The following ASS1 variants were observed in gnomAD, a reference collection of about 807,000 sequenced individuals.
ASS1 encodes the protein argininosuccinate synthase 1.
A neutral mutation model predicts 60.5 loss-of-function variants in ASS1; 58 were observed. That is an observed-to-expected ratio of 0.96 (90% CI 0.78 to 1.19). The LOEUF (loss-of-function observed/expected upper bound fraction) is 1.19, where lower values mean the gene tolerates loss of function less well. Ranked by LOEUF, ASS1 falls within the 50% of genes most tolerant of loss-of-function variation. The probability of loss-of-function intolerance (pLI) is 0.00; values close to 1 mark genes in which losing one functional copy is unlikely to be tolerated. For missense variants in ASS1, 454 were observed against 547.3 expected (o/e 0.83, Z 1.70); for synonymous variants, 200 against 206.9 (o/e 0.97, Z 0.29).
At chr9:130,498,210 C>A (rs1846651673) in intron 13 of ASS1, among the ~76,000 whole-genome samples, 1 of 152,178 alleles carries the variant, frequency 6.6e-6, no homozygotes. Flanking sequence ...GAGGGCCAGC[C>A]TCAGGGTCTC....
In ASS1 at chr9:130,499,551, A is replaced by G; in HGVS notation, c.1174A>G (p.Ile392Val). The G allele has an allele frequency of 6.2e-7, 1 of 1,613,732 alleles. No homozygotes were observed. Among genetic ancestry groups the G allele is most frequent in the African/African-American group, 1.3e-5 (1 of 75,058 alleles). ...DYEPTDATGF[I>V]NINSLRLKEY... ...TGAGCCAACTGATGCCACCGGGTTCATCAACATCAATTCCCTCAGGTGAGA... is the reference window on the plus strand; with the variant it reads ...TGAGCCAACTGATGCCACCGGGTTCGTCAACATCAATTCCCTCAGGTGAGA... The change falls in exon 14 of 15, where the codon ATC becomes GTC. Residue 392 changes from isoleucine to valine, a missense_variant. Transcript: ENST00000352480.
At chr9:130,484,636 C>T (rs1277061087) in intron 11 of ASS1, among the ~76,000 whole-genome samples, 1 of 152,086 alleles carries the variant, frequency 6.6e-6, no homozygotes, top group Non-Finnish European at 1.5e-5. Flanking sequence ...CTGTCATTTC[C>T]TCCTTCTCTC....
intron 4 of ASS1, among the ~76,000 whole-genome samples, chr9:130,460,473 T>C (rs960068175): frequency 4.6e-5 from 7 of 151,998 alleles, no homozygotes; most frequent in African/African-American, 7.3e-5. Context: ...TGATGAGGAA[T>C]GGGAGTGGGG....
In ASS1 at chr9:130,488,866, G is replaced by A. The variant is rs1846374069; in HGVS notation, c.839-467G>A. 6.6e-6 allele frequency among the ~76,000 whole-genome samples: 1 copy of A among 152,226 alleles called. No homozygotes were observed. The highest frequency in any genetic ancestry group is 1.9e-4 in the East Asian group (1 of 5,190). Reference sequence around the variant, plus strand: ...CCTCTGGAGAGACCTGGCCGCAGGGGCCCCATGGGCTGAAGGTGGCATGTG... The same window carrying A: ...CCTCTGGAGAGACCTGGCCGCAGGGACCCCATGGGCTGAAGGTGGCATGTG... On this transcript the variant is annotated intron_variant, in intron 11 of 14. Transcript: ENST00000352480. The surrounding 1 kb of genome is among the most constrained non-coding windows in gnomAD (Gnocchi z 5.2).
At chr9:130,495,737 A>G (rs1473606929) in intron 13 of ASS1, among the ~76,000 whole-genome samples, 2 of 152,094 alleles carry the variant, frequency 1.3e-5, no homozygotes, top group African/African-American at 4.8e-5. Flanking sequence ...ACCTGTGGAA[A>G]TGCGGTAGCT....
chr9:130,485,742 G>T (rs1846292744), intron 11 of ASS1, among the ~76,000 whole-genome samples: 1 of 152,218 alleles, frequency 6.6e-6, no homozygotes, highest in African/African-American at 2.4e-5. Flanking sequence ...GTTCTAGCAT[G>T]TGCCAGGATG....
chr9:130,450,259 T>C (rs1845297766), intron 1 of ASS1: 1 of 987,986 alleles, frequency 1.0e-6, no homozygotes, highest in South Asian at 4.7e-5. Context: ...GCTGAGTAGC[T>C]CTGCTTTTGC....
At chr9:130,462,212 G>A (rs1303701581) in intron 4 of ASS1, among the ~76,000 whole-genome samples, 1 of 152,210 alleles carries the variant, frequency 6.6e-6, no homozygotes, top group African/African-American at 2.4e-5. Flanking sequence ...CGGGGAGCGA[G>A]AGTTTTGTAA....
rs746597456 is a variant in ASS1, at chr9:130,458,518, A to G, written c.292A>G (p.Ile98Val). 2.5e-6 allele frequency: 4 copies of G among 1,613,060 alleles called. No individual in the cohort carries two copies. Among genetic ancestry groups the G allele is most frequent in the African/African-American group, 1.3e-5 (1 of 74,902 alleles). ...GGGCACCTCTCTTGCCAGGCCCTGCATCGCCCGCAAACAAGTGGAAATCGC... is the reference window on the plus strand; with the variant it reads ...GGGCACCTCTCTTGCCAGGCCCTGCGTCGCCCGCAAACAAGTGGAAATCGC... Reference protein sequence around the residue: ...LLGTSLARPCIARKQVEIAQR... With the variant: ...LLGTSLARPCVARKQVEIAQR... The change falls in exon 4 of 15, where the codon ATC (isoleucine) becomes GTC (valine). Residue 98 changes from isoleucine to valine, a missense_variant. By Grantham distance (29) the Ile-to-Val change is conservative. Transcript: ENST00000352480.
intron 14 of ASS1, among the ~76,000 whole-genome samples, chr9:130,500,533 T>A (rs2118896763): frequency 6.6e-6 from 1 of 152,156 alleles, no homozygotes; most frequent in African/African-American, 2.4e-5. Context: ...AGAGCCAGTC[T>A]CTTGTCCCTG....
chr9:130,445,289 T>C, intron 1 of ASS1: 1 of 944,546 alleles, frequency 1.1e-6, no homozygotes. Flanking sequence ...ATTTGTTCCC[T>C]GCGCAGCCGG....
chr9:130,454,181 T>C (rs1297812173), intron 2 of ASS1, 124 bp from the exon 3 acceptor site: 1 of 977,754 alleles, frequency 1.0e-6, no homozygotes, highest in African/African-American at 1.6e-5. Flanking sequence ...TCCTTCTTAC[T>C]GTGACTTGGC....
intron 4 of ASS1, among the ~76,000 whole-genome samples, chr9:130,461,823 C>T (rs969894016): frequency 6.6e-6 from 1 of 152,196 alleles, no homozygotes; most frequent in African/African-American, 2.4e-5. Context: ...TGAGTATCCA[C>T]CCAGCACTGC....
Position 130,479,786 on chromosome 9 carries a change from C to T in ASS1, c.759C>T (p.Tyr253=), listed in dbSNP as rs1588495489. Residue 253 remains tyrosine, a synonymous_variant, in exon 10 of 15, where the codon TAC becomes TAT. Transcript: ENST00000352480. ...THQTSLELFM[Y]LNEVAGKHGV... is the part of the protein sequence containing the mutation. The stretch of plus-strand genomic sequence containing the variant: ...AGACCTCCTTGGAGCTCTTCATGTA[C>T]CTGAACGAAGTCGCGTGAGTGTCTG... 1 of 1,614,106 alleles carries T rather than the reference C, an allele frequency of 6.2e-7. No individual in the cohort carries two copies. The highest frequency in any genetic ancestry group is 2.2e-5 in the East Asian group (1 of 44,872).
intron 11 of ASS1, among the ~76,000 whole-genome samples, chr9:130,486,595 C>G (rs931292884): frequency 2.0e-5 from 3 of 152,194 alleles, no homozygotes; most frequent in Non-Finnish European, 2.9e-5. Context: ...GATTTGAGGG[C>G]TTGGATCTCT....
At position 130,480,483 on chromosome 9, in the gene ASS1, C is replaced by G; in HGVS notation, c.838+34C>G. The G allele has an allele frequency of 1.9e-6, 3 of 1,609,176 alleles. No homozygotes were observed. The Middle Eastern group carries it at 5.1e-4, about 275-fold the overall frequency. On this transcript the variant is annotated intron_variant, in intron 11 of 14. Transcript: ENST00000352480. ...GCTCAGCCTCCCTCAGGGCCTGCCT[C>G]GGGACCCAGCAAACCCAGAGATCCC...
rs746602223 is a variant in ASS1 at position 130,476,993 on chromosome 9, G to T, written c.688+32G>T. ...GCCCACCTGTTGGGACTCGAAGGGGGTTGACTTTTGGGGCCCTGGCTCCTT... is the reference window on the plus strand; with the variant it reads ...GCCCACCTGTTGGGACTCGAAGGGGTTTGACTTTTGGGGCCCTGGCTCCTT... On this transcript the variant is annotated intron_variant, in intron 9 of 14. Coordinates refer to ENST00000352480, the MANE Select transcript of ASS1 (RefSeq NM_054012.4). This position sits in a 1 kb window ranked among gnomAD's most constrained non-coding sequence, Gnocchi z 4.9. 2 of 1,600,256 alleles carry T rather than the reference G, an allele frequency of 1.2e-6. No homozygotes were observed. Among genetic ancestry groups the T allele is most frequent in the African/African-American group, 1.3e-5 (1 of 74,568 alleles).
At chr9:130,448,422 G>GCACACACACACACACA (rs3085579) in intron 1 of ASS1, among the ~76,000 whole-genome samples, 24 of 143,382 alleles carry the variant, frequency 1.7e-4, no homozygotes, top group African/African-American at 6.6e-4. Flanking sequence ...GTGTGCGCGC[G>GCACACACACACACACA]CACACACACA....
chr9:130,501,274 AGTGAGT>A (rs1361024531), downstream of ASS1: 4 of 446,614 alleles, frequency 9.0e-6, no homozygotes, highest in Admixed American at 4.1e-5. Flanking sequence ...TTTTATTTCT[AGTGAGT>A]GTGTGTGTGT....
Sources: allele counts gnomAD v4.1 joint callset (sites outside exome capture counted in the v4.1 genomes callset), GRCh38; gene constraint gnomAD v4.1.1; non-coding constraint Gnocchi (gnomAD v3.1); transcripts MANE v1.5; gene names NCBI Gene and HGNC (gene_info 2026-07-23, HGNC 2026-07-21).